Variants in ECSIT observed in about 807,000 individuals in gnomAD.
The protein encoded by ECSIT is ECSIT signaling integrator.
A neutral mutation model predicts 36.8 loss-of-function variants in ECSIT; 29 were observed. The observed-to-expected ratio is 0.79, with a 90% CI of 0.59 to 1.08. The LOEUF (loss-of-function observed/expected upper bound fraction) is 1.08, where lower values mean the gene tolerates loss of function less well. Among genes scored for constraint, ECSIT ranks in the 50% least tolerant of loss-of-function variants. The pLI is 0.00. For missense variants in ECSIT, 542 were observed against 581.0 expected (o/e 0.93, Z 0.69); for synonymous variants, 231 against 234.8 (o/e 0.98, Z 0.15).
intron 1 of ECSIT, among the ~76,000 whole-genome samples, chr19:11,522,717 A>C (rs951727941): frequency 1.3e-5 from 2 of 150,346 alleles, no homozygotes; most frequent in African/African-American, 2.4e-5. Context: ...TGTCTCAAAA[A>C]AATTAATTAA....
At chr19:11,520,166 TTTTTTTC>T (rs914191780) in intron 1 of ECSIT, among the ~76,000 whole-genome samples, 6 of 152,092 alleles carry the variant, frequency 3.9e-5, no homozygotes, top group Non-Finnish European at 7.4e-5. Context: ...CTTGACATGT[TTTTTTTC>T]TTTTTTCTTT....
Position 11,507,863 on chromosome 19 carries a change from C to T in ECSIT, c.797-13G>A. On this transcript the variant is annotated splice_polypyrimidine_tract_variant and intron_variant, in intron 5 of 7. Coordinates refer to ENST00000270517, the MANE Select transcript of ECSIT (RefSeq NM_016581.5). ...GGACTCTGGATTCCTGGTGTGGAGA[C>T]ATACATGCCCTGTGCCCTGCAAGGG... is the stretch of plus-strand genomic sequence containing the variant. The T allele has an allele frequency of 6.2e-7, 1 of 1,613,704 alleles. No homozygotes were observed. Among genetic ancestry groups the T allele is most frequent in the Non-Finnish European group, 8.5e-7 (1 of 1,179,912 alleles).
intron 1 of ECSIT, among the ~76,000 whole-genome samples, chr19:11,523,034 G>A (rs1052468358): frequency 6.6e-6 from 1 of 152,110 alleles, no homozygotes; most frequent in East Asian, 1.9e-4. Context: ...TCCCACCACT[G>A]CACTCCAGCC....
In ECSIT at chr19:11,519,230, T is replaced by G; in HGVS notation, c.-23-37A>C. 3 of 1,419,886 alleles carry G rather than the reference T, an allele frequency of 2.1e-6. No homozygotes were observed. The highest frequency in any genetic ancestry group is 2.9e-6 in the Non-Finnish European group (3 of 1,035,612). 88.0% of individuals were successfully genotyped at this position (1,419,886 alleles called of 1,614,324 possible). A position where few individuals can be genotyped will look rare whatever the true frequency, so the allele number is the denominator to read the frequency against. On this transcript the variant is annotated intron_variant, in intron 1 of 7. Transcript: ENST00000270517. This position sits in a 1 kb window ranked among gnomAD's most constrained non-coding sequence, Gnocchi z 4.4. The stretch of plus-strand genomic sequence containing the variant: ...GAAGATTCAGCATTAGCCTGGCACC[T>G]TACAGATGCTAACAGACGCAAGGGC...
chr19:11,522,566 T>A, intron 1 of ECSIT: 1 of 634,964 alleles, frequency 1.6e-6, no homozygotes, highest in South Asian at 1.7e-5. Flanking sequence ...AAAAAAAAAT[T>A]AGCCAGTCAT....
At chr19:11,521,978 C>T (rs1039199288) in intron 1 of ECSIT, 14 of 183,418 alleles carry the variant, frequency 7.6e-5, no homozygotes, top group Non-Finnish European at 1.5e-4. Context: ...ATGAAGGCCT[C>T]GGGCACACTA....
At chr19:11,510,945 C>T (rs1212585218) in intron 4 of ECSIT, among the ~76,000 whole-genome samples, 3 of 151,584 alleles carry the variant, frequency 2.0e-5, no homozygotes, top group Admixed American at 6.6e-5. Context: ...TGCCCCCCCA[C>T]CCCCGGCATA....
chr19:11,519,098 G>A lies in ECSIT; in HGVS notation c.73C>T (p.Leu25Phe). ...ACCTGAGAGATGGAGGTTCCTGTGAGGGCGGCCCCGCAGGTGCCTCCCCAG... is the reference window on the plus strand; with the variant it reads ...ACCTGAGAGATGGAGGTTCCTGTGAAGGCGGCCCCGCAGGTGCCTCCCCAG... ...RAWGGTCGAA[L>F]TGTSISQVPR... The change falls in exon 2 of 8, where the codon CTC becomes TTC. Residue 25 changes from leucine to phenylalanine, a missense_variant. Leu to Phe is a conservative substitution (Grantham distance 22). Transcript: ENST00000270517. The surrounding 1 kb of genome is among the most constrained non-coding windows in gnomAD (Gnocchi z 4.4). 1 of 1,551,330 alleles carries A rather than the reference G, an allele frequency of 6.4e-7. No homozygotes were observed. Among genetic ancestry groups the A allele is most frequent in the Non-Finnish European group, 8.7e-7 (1 of 1,146,958 alleles).
In ECSIT at chr19:11,508,008, G is replaced by A. The variant is rs1424856873; in HGVS notation, c.779C>T (p.Pro260Leu). 7.4e-6 allele frequency: 12 copies of A among 1,614,094 alleles called. No individual in the cohort carries two copies. The highest frequency in any genetic ancestry group is 1.0e-5 in the Non-Finnish European group (12 of 1,180,056). The change falls in exon 5 of 8, where the codon CCC (proline) becomes CTC (leucine). Residue 260 changes from proline (P) to leucine (L), a missense_variant. Transcript: ENST00000270517. Reference sequence around the variant, plus strand: ...GGACTTACCTACGATGTGGGGCTGGGGGGGATCTGCTGCACCTGTTGAGTC... The same window carrying A: ...GGACTTACCTACGATGTGGGGCTGGAGGGGATCTGCTGCACCTGTTGAGTC... Reference protein sequence around the residue: ...PKDSTGAADPPQPHIVGIQSP... With the variant: ...PKDSTGAADPLQPHIVGIQSP...
chr19:11,526,724 T>TC (rs1231399673), intron 1 of ECSIT, among the ~76,000 whole-genome samples: 1 of 150,040 alleles, frequency 6.7e-6, no homozygotes, highest in East Asian at 2.0e-4. Flanking sequence ...GGGAGCTTTT[T>TC]TTTTTTTTTT....
At chr19:11,527,308 C>A (rs755042613) in intron 1 of ECSIT, among the ~76,000 whole-genome samples, 10 of 152,090 alleles carry the variant, frequency 6.6e-5, no homozygotes, top group Non-Finnish European at 1.3e-4. Flanking sequence ...GGCGACAGAG[C>A]GAGATTCCAT....
chr19:11,522,170 C>T (rs944382709), intron 1 of ECSIT: 56 of 457,928 alleles, frequency 1.2e-4, no homozygotes, highest in African/African-American at 1.0e-3. Context: ...GGCAGGCATT[C>T]GAGAAGTACC....
At chr19:11,523,109 C>G (rs1456455309) in intron 1 of ECSIT, among the ~76,000 whole-genome samples, 2 of 152,214 alleles carry the variant, frequency 1.3e-5, no homozygotes, top group East Asian at 3.9e-4. Flanking sequence ...TCTACCTCCT[C>G]CACCACCTCT....
At chr19:11,518,876 G>A (rs1198376543) in intron 2 of ECSIT, among the ~76,000 whole-genome samples, 199 bp downstream of exon 2, 1 of 152,300 alleles carries the variant, frequency 6.6e-6, no homozygotes, top group East Asian at 1.9e-4. Context: ...TCCAGCCTTG[G>A]TGACAGAGAC....
At position 11,505,988 on chromosome 19, in the gene ECSIT, C is replaced by T. The variant is rs1349333824; in HGVS notation, c.*196G>A. On this transcript the variant is annotated 3_prime_UTR_variant, in exon 8 of 8. Transcript: ENST00000270517. ...TTTGAATTCGGAGAACCAGAGGCGC[C>T]TGCAGATTCTGGAGGGGTCTCGCCT... The T allele has an allele frequency of 9.9e-7, 1 of 1,014,782 alleles. No individual in the cohort carries two copies. Among genetic ancestry groups the T allele is most frequent in the African/African-American group, 1.6e-5 (1 of 61,646 alleles). The allele number at this position is 1,014,782 out of a possible 1,614,324, so 62.9% of individuals were successfully genotyped here. A position where few individuals can be genotyped will look rare whatever the true frequency, so the allele number is the denominator to read the frequency against.
rs902914462 is a variant in ECSIT at position 11,507,549 on chromosome 19, G to A, written c.959C>T (p.Thr320Met). The change falls in exon 7 of 8, where the codon ACG becomes ATG. Residue 320 changes from threonine (T) to methionine (M), a missense_variant. By Grantham distance (81) the Thr-to-Met change is moderately conservative. Transcript: ENST00000270517. ...LPPEEREVEE[T>M]PEEWNLYYPM... ...GTAGTAGAGGTTCCACTCCTCCGGC[G>A]TCTCTTCCACTTCCTACTCCAAGGT... 1.6e-5 allele frequency: 26 copies of A among 1,613,892 alleles called. No homozygotes were observed. Among genetic ancestry groups the A allele is most frequent in the South Asian group, 1.1e-4 (10 of 91,086 alleles).
intron 2 of ECSIT, among the ~76,000 whole-genome samples, chr19:11,517,446 A>C (rs1972019816): frequency 6.6e-6 from 1 of 151,918 alleles, no homozygotes; most frequent in African/African-American, 2.4e-5. Flanking sequence ...AAATGCAAAA[A>C]TTAGCCAGGT....
At chr19:11,518,125 T>TAAA (rs879302971) in intron 2 of ECSIT, among the ~76,000 whole-genome samples, 1 of 136,956 alleles carries the variant, frequency 7.3e-6, no homozygotes, top group African/African-American at 2.7e-5. Context: ...ACCATATACT[T>TAAA]AAAAAAAAAA....
At position 11,506,234 on chromosome 19, in the gene ECSIT, G is replaced by T. The variant is rs150149179; in HGVS notation, c.1246C>A (p.His416Asn). The change falls in exon 8 of 8, where the codon CAC (histidine) becomes AAC (asparagine). Residue 416 changes from histidine (H) to asparagine (N), a missense_variant. His to Asn is a moderately conservative substitution (Grantham distance 68). Transcript: ENST00000270517. The stretch of plus-strand genomic sequence containing the variant: ...TGCAGGTTGTCGTCTTCTTCCTGGT[G>T]GTCCTCGGGCAGGGGCGGCTCCTCC... ...GLEEPPLPEDHQEEDDNLQRQ... is the reference protein window; with the variant it reads ...GLEEPPLPEDNQEEDDNLQRQ... 3.7e-6 allele frequency: 6 copies of T among 1,609,198 alleles called. No homozygotes were observed. The African/African-American group carries it at 8.0e-5, about 21-fold the overall frequency.
Sources: allele counts gnomAD v4.1 joint callset (sites outside exome capture counted in the v4.1 genomes callset), GRCh38; gene constraint gnomAD v4.1.1; non-coding constraint Gnocchi (gnomAD v3.1); transcripts MANE v1.5; gene names NCBI Gene and HGNC (gene_info 2026-07-23, HGNC 2026-07-21).